Variants in PKHD1 observed in about 807,000 individuals in gnomAD.
PKHD1 encodes the protein fibrocystin.
PKHD1 carries 291 observed loss-of-function variants against 412.0 expected under a neutral mutation model. The ratio of observed to expected loss-of-function variants is 0.71; its 90% CI spans 0.64 to 0.78. The LOEUF is 0.78. PKHD1 is among the 30% of genes least tolerant of loss of function. PKHD1 has a pLI of 0.00. For synonymous variants in PKHD1, 1,777 were observed against 1,821.5 expected (o/e 0.98, Z 0.62); for missense variants, 4,825 against 4,950.7 (o/e 0.97, Z 0.76).
At position 51,871,760 on chromosome 6, in the gene PKHD1, C is replaced by T. The variant is rs1355262896; in HGVS notation, c.7351-1121G>A. On this transcript the variant is annotated intron_variant, in intron 46 of 66. Transcript: ENST00000371117. Reference sequence around the variant, plus strand: ...TTCCACAAAATCTCTTTGACAAACACTATCCAATCAAGCTGCTAGTGCCTC... The same window carrying T: ...TTCCACAAAATCTCTTTGACAAACATTATCCAATCAAGCTGCTAGTGCCTC... Among the ~76,000 whole-genome samples, 3 of 118,898 alleles carry T rather than the reference C, an allele frequency of 2.5e-5. No homozygotes were observed. The East Asian group carries it at 5.9e-4, about 23-fold the overall frequency. The allele number at this position is 118,898 out of a possible 152,430, so 78.0% of individuals were successfully genotyped here.
At chr6:51,908,788 TC>T (rs1782522228) in intron 40 of PKHD1, among the ~76,000 whole-genome samples, 1 of 152,096 alleles carries the variant, frequency 6.6e-6, no homozygotes, top group South Asian at 2.1e-4. Context: ...TTCAGCCCAT[TC>T]CCCCTCATTT....
chr6:51,998,203 T>A (rs1797924166), intron 35 of PKHD1, among the ~76,000 whole-genome samples: 1 of 151,914 alleles, frequency 6.6e-6, no homozygotes, highest in South Asian at 2.1e-4. Context: ...CAGCCCACAC[T>A]CTGGGCTATT....
intron 60 of PKHD1, among the ~76,000 whole-genome samples, chr6:51,707,513 A>G (rs1780148677): frequency 6.6e-6 from 1 of 152,162 alleles, no homozygotes; most frequent in African/African-American, 2.4e-5. Context: ...ATCCTCATGA[A>G]TATTAAAACA....
chr6:51,842,487 G>C (rs1234687354), intron 50 of PKHD1, among the ~76,000 whole-genome samples: 1 of 152,212 alleles, frequency 6.6e-6, no homozygotes. Context: ...GAAGAAGGCT[G>C]TGTGCGAGCA....
intron 60 of PKHD1, among the ~76,000 whole-genome samples, chr6:51,699,990 T>G (rs2150695459): frequency 6.7e-6 from 1 of 149,784 alleles, no homozygotes; most frequent in East Asian, 2.0e-4. Context: ...TGAGTAATTT[T>G]TCATTCTAAG....
At chr6:51,885,316 C>A (rs904461007) in intron 45 of PKHD1, among the ~76,000 whole-genome samples, 21 of 152,178 alleles carry the variant, frequency 1.4e-4, no homozygotes, top group African/African-American at 4.6e-4. Context: ...GAAAATTTAG[C>A]TTATTTCTTC....
intron 52 of PKHD1, among the ~76,000 whole-genome samples, chr6:51,820,870 A>C (rs915360178): frequency 1.3e-5 from 2 of 152,194 alleles, no homozygotes; most frequent in Admixed American, 6.5e-5. Flanking sequence ...AGAAATGGCA[A>C]CTGTACCTAA....
rs545441492 is a variant in PKHD1, at chr6:51,709,400, T to C, written c.10156+34985A>G. ...TGTTTTTCAGGGCAGTGATGATTTA[T>C]TCTTGTTGTCCCAGCAAAATTATTA... On this transcript the variant is annotated intron_variant, in intron 60 of 66. Coordinates refer to ENST00000371117, the MANE Select transcript of PKHD1 (RefSeq NM_138694.4). 6.6e-5 allele frequency among the ~76,000 whole-genome samples: 10 copies of C among 152,346 alleles called. No individual in the cohort carries two copies. In the East Asian group the frequency reaches 1.9e-3, roughly 29 times the overall value.
intron 35 of PKHD1, among the ~76,000 whole-genome samples, chr6:51,992,307 T>C (rs563178496): frequency 6.6e-6 from 1 of 152,362 alleles, no homozygotes; most frequent in Admixed American, 6.5e-5. Context: ...ATAGCAAGTA[T>C]TGAATACCCT....
chr6:51,684,971 A>T (rs1777216700), intron 60 of PKHD1, among the ~76,000 whole-genome samples: 1 of 152,138 alleles, frequency 6.6e-6, no homozygotes, highest in Non-Finnish European at 1.5e-5. Context: ...GTCAAAAGCA[A>T]AATTAGAGCA....
chr6:51,683,918 C>G (rs1028954844), intron 60 of PKHD1, among the ~76,000 whole-genome samples: 4 of 151,990 alleles, frequency 2.6e-5, no homozygotes, highest in African/African-American at 9.7e-5. Flanking sequence ...TTCTCCTTCT[C>G]TTTTAGAGAC....
At chr6:51,847,725 G>A in intron 50 of PKHD1, 50 bp downstream of exon 50, 1 of 1,275,698 alleles carries the variant, frequency 7.8e-7, no homozygotes. Context: ...AGGGTGATTG[G>A]TGATTTCTGA....
chr6:51,947,128 C>T (rs1789576300), intron 36 of PKHD1, among the ~76,000 whole-genome samples: 1 of 152,184 alleles, frequency 6.6e-6, no homozygotes, highest in Non-Finnish European at 1.5e-5. Context: ...AACTGCTCCT[C>T]TCAAGGCCAC....
intron 48 of PKHD1, among the ~76,000 whole-genome samples, chr6:51,858,147 T>C (rs1043600113): frequency 1.3e-5 from 2 of 152,104 alleles, no homozygotes; most frequent in African/African-American, 2.4e-5. Flanking sequence ...ATTCCCACCA[T>C]ATTTCATCCC....
Position 51,867,895 on chromosome 6 carries a change from T to A in PKHD1, c.7701A>T (p.Gly2567=). 1.9e-6 allele frequency: 3 copies of A among 1,613,262 alleles called. No individual in the cohort carries two copies. Among genetic ancestry groups the A allele is most frequent in the Non-Finnish European group, 2.5e-6 (3 of 1,179,414 alleles). The change falls in exon 48 of 67, where the codon GGA becomes GGT. Residue 2567 remains glycine, a synonymous_variant. Coordinates refer to ENST00000371117, the MANE Select transcript of PKHD1 (RefSeq NM_138694.4). ...GRVVHGSACG[G]GVLFHRMSIG... is the part of the protein sequence containing the mutation. ...TAGACATACGATGAAAAAGAACACC[T>A]CCTCCACAGGCACTGCCATGGACAA...
intron 28 of PKHD1, among the ~76,000 whole-genome samples, chr6:52,033,802 C>CT (rs1348854646): frequency 6.6e-6 from 1 of 151,964 alleles, no homozygotes; most frequent in African/African-American, 2.4e-5. Context: ...TACGATGGAA[C>CT]TTTTTTTAAA....
At chr6:51,683,748 A>G (rs918199987) in intron 60 of PKHD1, among the ~76,000 whole-genome samples, 1 of 152,100 alleles carries the variant, frequency 6.6e-6, no homozygotes, top group Non-Finnish European at 1.5e-5. Context: ...CTTCCATTGT[A>G]TAGTTGTGAT....
intron 49 of PKHD1, among the ~76,000 whole-genome samples, chr6:51,849,608 C>G (rs977691782): frequency 6.6e-5 from 10 of 152,296 alleles, no homozygotes; most frequent in African/African-American, 2.2e-4. Flanking sequence ...GAGATGGTAT[C>G]TCATAGCGGT....
chr6:52,051,013 A>G (rs2128198585), intron 21 of PKHD1, among the ~76,000 whole-genome samples: 1 of 152,332 alleles, frequency 6.6e-6, no homozygotes, highest in Admixed American at 6.5e-5. Context: ...TACAATGGAG[A>G]CTTTAAAGAG....
Sources: allele counts gnomAD v4.1 joint callset (sites outside exome capture counted in the v4.1 genomes callset), GRCh38; gene constraint gnomAD v4.1.1; transcripts MANE v1.5; gene names NCBI Gene and HGNC (gene_info 2026-07-23, HGNC 2026-07-21).